The following PXYLP1 variants were observed in gnomAD, a reference collection of about 807,000 sequenced individuals.
PXYLP1 encodes acid phosphatase-like 2.
A neutral mutation model predicts 37.9 loss-of-function variants in PXYLP1; 17 were observed. The ratio of observed to expected loss-of-function variants is 0.45; its 90% CI spans 0.31 to 0.67. The LOEUF is 0.67. PXYLP1 is among the 30% of genes least tolerant of loss of function. The pLI is 0.07. For missense variants in PXYLP1, 511 were observed against 612.0 expected (o/e 0.84, Z 1.74); for synonymous variants, 221 against 232.2 (o/e 0.95, Z 0.44).
intron 2 of PXYLP1, among the ~76,000 whole-genome samples, chr3:141,269,190 G>A (rs1456702815): frequency 6.6e-6 from 1 of 152,220 alleles, no homozygotes; most frequent in Non-Finnish European, 1.5e-5. Flanking sequence ...TTGCTGGTTT[G>A]GTGGCCTCAG....
intron 1 of PXYLP1, among the ~76,000 whole-genome samples, chr3:141,247,558 G>A (rs1418240908): frequency 6.6e-6 from 1 of 152,130 alleles, no homozygotes; most frequent in Non-Finnish European, 1.5e-5. Flanking sequence ...GCAATCTGTG[G>A]TTCATTATCA....
rs564313232 is a variant in PXYLP1, at chr3:141,249,470, CT to C, written c.-53-10634del. On this transcript the variant is annotated intron_variant, in intron 1 of 5. Coordinates refer to ENST00000286353, the MANE Select transcript of PXYLP1 (RefSeq NM_001037172.3). ...GCTATGAGTCTCAGGACTTTGGAAGCTTTTTTTTTTTTTTTTTTTGCCTTTA... is the reference window on the plus strand; with the variant it reads ...GCTATGAGTCTCAGGACTTTGGAAGCTTTTTTTTTTTTTTTTTTGCCTTTA... Among the ~76,000 whole-genome samples, 708 of 93,154 alleles carry C rather than the reference CT, an allele frequency of 7.6e-3. 1 individual carries two copies. Among genetic ancestry groups the C allele is most frequent in the Middle Eastern group, 0.014 (2 of 138 alleles). The allele number at this position is 93,154 out of a possible 152,430, so 61.1% of individuals were successfully genotyped here. A position where few individuals can be genotyped will look rare whatever the true frequency, so the allele number is the denominator to read the frequency against.
chr3:141,236,512 C>T (rs777259444), intron 1 of PXYLP1: 1 of 152,204 alleles, frequency 6.6e-6, no homozygotes, highest in Non-Finnish European at 1.5e-5. Context: ...TCCCACCCCT[C>T]AGTTATTCAG....
intron 2 of PXYLP1, among the ~76,000 whole-genome samples, chr3:141,270,957 C>T (rs1385415956): frequency 6.6e-6 from 1 of 152,158 alleles, no homozygotes; most frequent in Non-Finnish European, 1.5e-5. Flanking sequence ...GTAGTGTGAT[C>T]AGGGCTCACT....
chr3:141,278,618 C>A, intron 3 of PXYLP1, 118 bp downstream of exon 3: 1 of 1,344,638 alleles, frequency 7.4e-7, no homozygotes, highest in Non-Finnish European at 1.0e-6. Context: ...TGCCACCAGG[C>A]TGTGCCCTTG....
At chr3:141,262,585 A>T in intron 2 of PXYLP1, 1 of 1,423,310 alleles carries the variant, frequency 7.0e-7, no homozygotes, top group East Asian at 2.5e-5. Flanking sequence ...GTTTTAGGAA[A>T]GCCAATTTTC....
intron 2 of PXYLP1, among the ~76,000 whole-genome samples, chr3:141,267,898 C>A (rs199564126): frequency 9.7e-6 from 1 of 102,814 alleles, no homozygotes; most frequent in Non-Finnish European, 1.8e-5. Flanking sequence ...TCTCTCCCAC[C>A]TTCCCTTTCT....
intron 2 of PXYLP1, 28 bp from the exon 3 acceptor site, chr3:141,278,314 C>T (rs1372157630): frequency 3.1e-6 from 5 of 1,613,010 alleles, no homozygotes; most frequent in Non-Finnish European, 4.2e-6. Flanking sequence ...AGGAACTGTG[C>T]GTCACAACCT....
At position 141,293,699 on chromosome 3, in the gene PXYLP1, C is replaced by A; in HGVS notation, c.*494C>A. ...ATTTCAGACTGTGTGGACCAAAAGG[C>A]CACATACAGTCTCTGTCATAACTAC... On this transcript the variant is annotated 3_prime_UTR_variant, in exon 6 of 6. Transcript: ENST00000286353. 6.2e-6 allele frequency: 1 copy of A among 160,020 alleles called. No homozygotes were observed. The highest frequency in any genetic ancestry group is 1.7e-4 in the South Asian group (1 of 5,742). The allele number at this position is 160,020 out of a possible 1,614,324, so 9.9% of individuals were successfully genotyped here.
chr3:141,282,001 C>T (rs1220595385), intron 4 of PXYLP1, among the ~76,000 whole-genome samples: 2 of 152,070 alleles, frequency 1.3e-5, no homozygotes, highest in African/African-American at 4.8e-5. Flanking sequence ...CTCTGACAGC[C>T]ATAGTGTGGA....
intron 1 of PXYLP1, among the ~76,000 whole-genome samples, chr3:141,245,296 A>C (rs1351424353): frequency 6.6e-6 from 1 of 152,026 alleles, no homozygotes; most frequent in Non-Finnish European, 1.5e-5. Flanking sequence ...CGAACTCCTG[A>C]CCTCAGGTAA....
At chr3:141,240,418 G>T (rs1352951491) in intron 1 of PXYLP1, among the ~76,000 whole-genome samples, 2 of 152,098 alleles carry the variant, frequency 1.3e-5, no homozygotes, top group Admixed American at 1.3e-4. Flanking sequence ...TCTCAAGGCT[G>T]CCATGCTCCT....
chr3:141,293,475 G>A lies in PXYLP1; in HGVS notation c.*270G>A. On this transcript the variant is annotated 3_prime_UTR_variant, in exon 6 of 6. Coordinates refer to ENST00000286353, the MANE Select transcript of PXYLP1 (RefSeq NM_001037172.3). ...TCGCTTAGAATGCCAGAATAATATA[G>A]TTCAAGACCTGAAGTTGCCAATCCA... 2.4e-6 allele frequency: 1 copy of A among 425,294 alleles called. No homozygotes were observed. The highest frequency in any genetic ancestry group is 4.2e-6 in the Non-Finnish European group (1 of 238,944). 26.3% of individuals were successfully genotyped at this position (425,294 alleles called of 1,614,324 possible).
chr3:141,263,474 G>A (rs563482567), intron 2 of PXYLP1, among the ~76,000 whole-genome samples: 45 of 152,320 alleles, frequency 3.0e-4, no homozygotes, highest in African/African-American at 1.0e-3. Context: ...TTTGGTTATT[G>A]TAGTTAAAAT....
At chr3:141,237,902 C>T (rs971104409) in intron 1 of PXYLP1, among the ~76,000 whole-genome samples, 1 of 152,206 alleles carries the variant, frequency 6.6e-6, no homozygotes, top group African/African-American at 2.4e-5. Context: ...TCATCTGTGT[C>T]TGACACATGC....
At chr3:141,262,518 A>T in intron 2 of PXYLP1, 1 of 813,884 alleles carries the variant, frequency 1.2e-6, no homozygotes, top group East Asian at 3.0e-5. Flanking sequence ...GCTGGTTTCC[A>T]CGTCACTGAA....
intron 1 of PXYLP1, chr3:141,236,247 C>T (rs963533633): frequency 2.0e-5 from 3 of 152,162 alleles, no homozygotes; most frequent in African/African-American, 7.2e-5. Flanking sequence ...GAATCATTTC[C>T]CCAATTTACA....
intron 2 of PXYLP1, among the ~76,000 whole-genome samples, chr3:141,270,612 G>A (rs1016272197): frequency 2.6e-5 from 4 of 152,200 alleles, no homozygotes; most frequent in African/African-American, 9.7e-5. Context: ...TTTATTTGCG[G>A]GGAGAAATTG....
At chr3:141,266,583 C>T (rs950427697) in intron 2 of PXYLP1, among the ~76,000 whole-genome samples, 2 of 112,312 alleles carry the variant, frequency 1.8e-5, no homozygotes, top group South Asian at 3.8e-4. Context: ...TAGAAGTTCT[C>T]AGGTGGGGAG....
Sources: allele counts gnomAD v4.1 joint callset (sites outside exome capture counted in the v4.1 genomes callset), GRCh38; gene constraint gnomAD v4.1.1; transcripts MANE v1.5; gene names NCBI Gene and HGNC (gene_info 2026-07-23, HGNC 2026-07-21).